TENM3: variants seen among roughly 807,000 people sequenced by gnomAD.
The protein encoded by TENM3 is teneurin-3.
Under a neutral mutation model 255.1 loss-of-function variants are expected in TENM3, and 63 were observed. The observed-to-expected ratio is 0.25, with a 90% CI of 0.20 to 0.30. The LOEUF (loss-of-function observed/expected upper bound fraction) is 0.30, where lower values mean the gene tolerates loss of function less well. Among genes scored for constraint, TENM3 ranks in the 10% least tolerant of loss-of-function variants. The pLI, the probability that TENM3 is intolerant of heterozygous loss-of-function variation, is 1.00. For missense variants in TENM3, 2,929 were observed against 3,461.1 expected (o/e 0.85, Z 3.86); for synonymous variants, 1,306 against 1,322.3 (o/e 0.99, Z 0.27).
chr4:182,725,145 T>C (rs1168948866), intron 13 of TENM3, among the ~76,000 whole-genome samples: 1 of 151,974 alleles, frequency 6.6e-6, no homozygotes, highest in Non-Finnish European at 1.5e-5. Flanking sequence ...CTCGAACTCC[T>C]GGGCTCAAGT....
At chr4:181,698,919 A>T in the TENM3 span, among the ~76,000 whole-genome samples, 1 of 152,260 alleles carries the variant, frequency 6.6e-6, no homozygotes, top group East Asian at 1.9e-4. Flanking sequence ...ATGATTAAAG[A>T]ATATAAATGA....
rs77310917 is a variant in TENM3, at chr4:182,401,272, A to G, written c.511+54343A>G. The stretch of plus-strand genomic sequence containing the variant: ...GAACTAGATTGCTTTGTACAAATTT[A>G]TATCTCTGTTATCTTCTTTGAAATA... On this transcript the variant is annotated intron_variant, in intron 3 of 27. Coordinates refer to ENST00000511685, the MANE Select transcript of TENM3 (RefSeq NM_001080477.4). Among the ~76,000 whole-genome samples, 703 of 152,292 alleles carry G rather than the reference A, an allele frequency of 4.6e-3. 10 individuals are homozygous for G. Among genetic ancestry groups the G allele is most frequent in the African/African-American group, 0.016 (664 of 41,576 alleles).
chr4:181,930,907 A>T, the TENM3 span, among the ~76,000 whole-genome samples: 1 of 152,218 alleles, frequency 6.6e-6, no homozygotes, highest in African/African-American at 2.4e-5. Flanking sequence ...AGAACCAATG[A>T]CAAAAACCAC....
upstream of TENM3, among the ~76,000 whole-genome samples, chr4:182,243,105 C>T (rs1428530460): frequency 2.0e-5 from 3 of 152,116 alleles, no homozygotes; most frequent in Non-Finnish European, 4.4e-5. Context: ...GTAAATGTCA[C>T]ATAGGCTTTT....
intron 3 of TENM3, among the ~76,000 whole-genome samples, chr4:182,505,308 C>G (rs1160206882): frequency 6.8e-6 from 1 of 147,738 alleles, no homozygotes; most frequent in African/African-American, 2.4e-5. Flanking sequence ...TGTATCACAC[C>G]TAAAATTGTG....
At position 182,714,135 on chromosome 4, in the gene TENM3, A is replaced by C. The variant is rs375343019; in HGVS notation, c.2270A>C (p.Gln757Pro). ...AGCAATGGAAGATGTACCCTGGACC[A>C]AAATGGCTGGCATTGTGTGTGCCAG... ...CNSNGRCTLD[Q>P]NGWHCVCQPG... Residue 757 changes from glutamine to proline, a missense_variant, in exon 13 of 28, where the codon CAA becomes CCA. By Grantham distance (76) the Gln-to-Pro change is moderately conservative. Around this residue, in one of 6 missense-constraint regions of TENM3, gnomAD observed 1,608 missense variants for 1,884.4 expected, o/e 0.85. Transcript: ENST00000511685. 17 of 1,613,750 alleles carry C rather than the reference A, an allele frequency of 1.1e-5. No homozygotes were observed. Among genetic ancestry groups the C allele is most frequent in the Non-Finnish European group, 1.4e-5 (16 of 1,179,782 alleles).
chr4:181,525,162 G>A, the TENM3 span, among the ~76,000 whole-genome samples: 4 of 152,100 alleles, frequency 2.6e-5, no homozygotes, highest in Non-Finnish European at 5.9e-5. Context: ...TGTAATTCCG[G>A]CACCTTGGGA....
At chr4:182,645,901 A>G (rs1752705230) in intron 5 of TENM3, among the ~76,000 whole-genome samples, 1 of 152,250 alleles carries the variant, frequency 6.6e-6, no homozygotes, top group African/African-American at 2.4e-5. Context: ...CAAGGGGAGT[A>G]GATGATACAA....
intron 3 of TENM3, among the ~76,000 whole-genome samples, chr4:182,463,192 G>C (rs765275466): frequency 2.0e-5 from 3 of 151,912 alleles, no homozygotes; most frequent in Non-Finnish European, 2.9e-5. Flanking sequence ...ATTTTTTTAA[G>C]CTCTCTACTG....
chr4:181,955,655 C>A, the TENM3 span, among the ~76,000 whole-genome samples: 25 of 152,254 alleles, frequency 1.6e-4, no homozygotes, highest in African/African-American at 6.0e-4. Flanking sequence ...GCACAGATGA[C>A]AAAGGGGCGC....
the TENM3 span, among the ~76,000 whole-genome samples, chr4:181,495,556 C>CGA: frequency 0.026 from 3,840 of 148,734 alleles, 84 homozygotes; most frequent in Non-Finnish European, 0.039. Context: ...TTAGTATACA[C>CGA]GAGAGAGAGA....
At chr4:181,450,678 A>G in the TENM3 span, among the ~76,000 whole-genome samples, 48 of 152,328 alleles carry the variant, frequency 3.2e-4, 1 homozygote, top group East Asian at 9.3e-3. Context: ...TCATGTTTTG[A>G]CAACCTTCCT....
chr4:181,793,631 A>G, the TENM3 span, among the ~76,000 whole-genome samples: 31 of 152,282 alleles, frequency 2.0e-4, no homozygotes, highest in Admixed American at 1.5e-3. Flanking sequence ...GAGCTAAAGA[A>G]CTCAATTTCC....
the TENM3 span, among the ~76,000 whole-genome samples, chr4:181,999,280 C>G: frequency 6.6e-6 from 1 of 152,104 alleles, no homozygotes; most frequent in Admixed American, 6.6e-5. Context: ...ACTTAAAGAC[C>G]AGGCAGGTGC....
At chr4:181,797,531 A>T in the TENM3 span, among the ~76,000 whole-genome samples, 1 of 152,046 alleles carries the variant, frequency 6.6e-6, no homozygotes, top group African/African-American at 2.4e-5. Context: ...TATATATTTA[A>T]CTCTAACGCT....
At chr4:181,722,722 A>AGT in the TENM3 span, among the ~76,000 whole-genome samples, 8 of 152,228 alleles carry the variant, frequency 5.3e-5, no homozygotes, top group Non-Finnish European at 1.2e-4. Flanking sequence ...TTGTGATAAT[A>AGT]GTGTGGATAC....
chr4:181,739,884 G>T, the TENM3 span, among the ~76,000 whole-genome samples: 1 of 152,260 alleles, frequency 6.6e-6, no homozygotes, highest in South Asian at 2.1e-4. Flanking sequence ...AGCAAAAGTT[G>T]CAAGCCAATT....
At chr4:182,105,987 A>G in the TENM3 span, among the ~76,000 whole-genome samples, 8 of 152,174 alleles carry the variant, frequency 5.3e-5, no homozygotes, top group African/African-American at 1.9e-4. Context: ...ATACGAAACA[A>G]ACCTCCTACT....
chr4:182,643,110 T>G (rs972540527), intron 5 of TENM3, among the ~76,000 whole-genome samples: 1 of 152,226 alleles, frequency 6.6e-6, no homozygotes, highest in South Asian at 2.1e-4. Context: ...ACTTTCATTT[T>G]ACATTGAAAG....
Sources: allele counts gnomAD v4.1 joint callset (sites outside exome capture counted in the v4.1 genomes callset), GRCh38; gene constraint gnomAD v4.1.1; regional missense constraint gnomAD v4.1.1; transcripts MANE v1.5; gene names NCBI Gene and HGNC (gene_info 2026-07-23, HGNC 2026-07-21).